Variants in COL19A1 observed in about 807,000 individuals in gnomAD.
COL19A1 encodes collagen type XIX alpha 1 chain, also known as collagen alpha-1(XIX) chain.
COL19A1 carries 159 observed loss-of-function variants against 190.2 expected under a neutral mutation model. That is an observed-to-expected ratio of 0.84 (90% CI 0.73 to 0.95). COL19A1 has a LOEUF of 0.95. COL19A1 is among the 40% of genes least tolerant of loss of function. COL19A1 has a pLI of 0.00. For synonymous variants in COL19A1, 509 were observed against 458.9 expected (o/e 1.11, Z -1.39); for missense variants, 1,418 against 1,431.9 (o/e 0.99, Z 0.16).
intron 14 of COL19A1, among the ~76,000 whole-genome samples, chr6:70,055,891 G>A (rs913024679): frequency 2.0e-5 from 3 of 151,082 alleles, no homozygotes; most frequent in Admixed American, 2.0e-4. Context: ...CGTTTGTTTC[G>A]GTTTGTTTTT....
intron 11 of COL19A1, among the ~76,000 whole-genome samples, chr6:69,983,114 G>C (rs1776139767): frequency 6.6e-6 from 1 of 151,694 alleles, no homozygotes; most frequent in Non-Finnish European, 1.5e-5. Flanking sequence ...TAGATGTTTG[G>C]GAGGAATTTA....
chr6:70,138,731 CT>C (rs962092495), intron 19 of COL19A1, among the ~76,000 whole-genome samples: 2 of 152,096 alleles, frequency 1.3e-5, no homozygotes, highest in African/African-American at 4.8e-5. Context: ...TAGAATCAGT[CT>C]GTGGCCTATG....
chr6:70,208,996 C>A lies in COL19A1; in HGVS notation c.*1722C>A, dbSNP rs1002017208. ...TTTCAATTCCAAGTTTATTTATTTT[C>A]CAAGGTTATTTTATTTATTGTAAGC... On this transcript the variant is annotated 3_prime_UTR_variant, in exon 51 of 51. Transcript: ENST00000620364. The A allele has an allele frequency of 8.5e-5, 13 of 152,140 alleles. No individual in the cohort carries two copies. Among genetic ancestry groups the A allele is most frequent in the African/African-American group, 3.1e-4 (13 of 41,276 alleles). The allele number at this position is 152,140 out of a possible 1,614,324, so 9.4% of individuals were successfully genotyped here.
intron 4 of COL19A1, among the ~76,000 whole-genome samples, chr6:69,912,144 A>G (rs184901984): frequency 2.7e-4 from 41 of 152,146 alleles, no homozygotes; most frequent in Non-Finnish European, 5.4e-4. Context: ...TTGGAATCCT[A>G]CATATCCTAG....
chr6:70,103,362 C>T (rs1057414090), intron 16 of COL19A1, among the ~76,000 whole-genome samples: 6 of 152,176 alleles, frequency 3.9e-5, no homozygotes, highest in African/African-American at 1.2e-4. Flanking sequence ...TTGCCTCTAC[C>T]TTCTCCAAGT....
At chr6:69,967,915 AACGTAGCGTAAAGTAC>A (rs1775210691) in intron 11 of COL19A1, among the ~76,000 whole-genome samples, 1 of 143,322 alleles carries the variant, frequency 7.0e-6, no homozygotes, top group Non-Finnish European at 1.5e-5. Flanking sequence ...TGTCTACTAT[AACGTAGCGTAAAGTAC>A]ACGTAGCGTA....
intron 30 of COL19A1, among the ~76,000 whole-genome samples, chr6:70,150,778 C>T (rs1358333553): frequency 6.6e-6 from 1 of 152,114 alleles, no homozygotes; most frequent in African/African-American, 2.4e-5. Flanking sequence ...ATTACTTTAA[C>T]GCCACTGTTG....
At chr6:70,163,660 C>T (rs1306702090) in intron 36 of COL19A1, among the ~76,000 whole-genome samples, 3 of 152,138 alleles carry the variant, frequency 2.0e-5, no homozygotes, top group African/African-American at 7.2e-5. Flanking sequence ...TCCTGGGCAA[C>T]CATCTATGTG....
chr6:70,008,794 C>A (rs1014305811), intron 11 of COL19A1, among the ~76,000 whole-genome samples: 1 of 151,624 alleles, frequency 6.6e-6, no homozygotes, highest in South Asian at 2.1e-4. Context: ...ACATAAAAAA[C>A]CACTTAACAA....
At chr6:70,193,218 C>G (rs531627) in intron 48 of COL19A1, among the ~76,000 whole-genome samples, 8,688 of 152,208 alleles carry the variant, frequency 0.057, 848 homozygotes, top group African/African-American at 0.2. Flanking sequence ...AAAAGAGACA[C>G]TTCTACTCCC....
chr6:70,072,767 C>G (rs1781634550), intron 15 of COL19A1, among the ~76,000 whole-genome samples: 1 of 152,028 alleles, frequency 6.6e-6, no homozygotes, highest in Non-Finnish European at 1.5e-5. Context: ...CTGCCCCCGT[C>G]AAGATGTGTT....
At chr6:69,917,926 C>A (rs528308590) in intron 4 of COL19A1, among the ~76,000 whole-genome samples, 10 of 152,196 alleles carry the variant, frequency 6.6e-5, no homozygotes, top group Admixed American at 6.5e-4. Flanking sequence ...GGCCAGTGGG[C>A]GGTGAGTTGA....
intron 7 of COL19A1, among the ~76,000 whole-genome samples, chr6:69,935,256 G>T (rs1187438314): frequency 1.3e-5 from 2 of 152,072 alleles, no homozygotes; most frequent in African/African-American, 2.4e-5. Flanking sequence ...GTTTTACGAG[G>T]AGAAGAGTCC....
At chr6:70,037,096 A>G (rs1374646284) in intron 14 of COL19A1, among the ~76,000 whole-genome samples, 5 of 152,178 alleles carry the variant, frequency 3.3e-5, no homozygotes, top group Non-Finnish European at 4.4e-5. Context: ...AAGAAAGACT[A>G]TTTTTTTGAG....
chr6:69,890,948 G>C (rs1328172424), intron 2 of COL19A1: 4 of 209,662 alleles, frequency 1.9e-5, no homozygotes, highest in Admixed American at 1.8e-4. Context: ...TGCTGACAGG[G>C]GTTGCTGTTT....
At chr6:69,938,503 TTA>T (rs1773256419) in intron 9 of COL19A1, among the ~76,000 whole-genome samples, 1 of 152,156 alleles carries the variant, frequency 6.6e-6, no homozygotes, top group South Asian at 2.1e-4. Context: ...CCTTTTTTTT[TTA>T]AACGGCCAAC....
intron 11 of COL19A1, among the ~76,000 whole-genome samples, chr6:69,996,754 T>TA (rs1173815238): frequency 2.0e-5 from 3 of 152,046 alleles, no homozygotes; most frequent in East Asian, 3.9e-4. Flanking sequence ...TTAAAACCTT[T>TA]AAAAAACTAT....
intron 2 of COL19A1, 138 bp downstream of exon 2, chr6:69,879,796 C>T: frequency 1.3e-6 from 1 of 766,110 alleles, no homozygotes; most frequent in South Asian, 2.0e-5. Context: ...TGCTTTCTTC[C>T]ATTGATCTTC....
chr6:70,084,577 A>G (rs1782471351), intron 15 of COL19A1, among the ~76,000 whole-genome samples: 1 of 152,176 alleles, frequency 6.6e-6, no homozygotes, highest in Non-Finnish European at 1.5e-5. Context: ...TTCTCTGCCT[A>G]TTTTCCTCTG....
Sources: allele counts gnomAD v4.1 joint callset (sites outside exome capture counted in the v4.1 genomes callset), GRCh38; gene constraint gnomAD v4.1.1; transcripts MANE v1.5; gene names NCBI Gene and HGNC (gene_info 2026-07-23, HGNC 2026-07-21).